Variants in SYNJ2 observed in about 807,000 individuals in gnomAD.
SYNJ2 encodes synaptojanin 2.
In SYNJ2, 116 loss-of-function variants were observed where a neutral mutation model predicts 141.3. That is an observed-to-expected ratio of 0.82 (90% CI 0.71 to 0.96). The LOEUF (loss-of-function observed/expected upper bound fraction) is 0.96. Ranked by LOEUF, SYNJ2 falls within the 40% of genes least tolerant of loss-of-function variation. The pLI is 0.00. For synonymous variants in SYNJ2, 745 were observed against 777.7 expected, an observed-to-expected ratio of 0.96 and a Z score of 0.70; for missense variants, 1,873 against 1,934.8, an observed-to-expected ratio of 0.97 and a Z score of 0.60.
chr6:158,045,404 C>T (rs561392306), intron 5 of SYNJ2, among the ~76,000 whole-genome samples: 8 of 152,318 alleles, frequency 5.3e-5, no homozygotes, highest in African/African-American at 1.9e-4. Flanking sequence ...GCCACCGCAC[C>T]TAGCCAGGCC....
rs375066216 is a variant in SYNJ2 at position 158,006,207 on chromosome 6, G to A, written c.128-10997G>A. ...CACGCACACATGCACATATGCACAC[G>A]CACACACATGCGCACACACGTATGC... On this transcript the variant is annotated intron_variant, in intron 1 of 26. Coordinates refer to ENST00000355585, the MANE Select transcript of SYNJ2 (RefSeq NM_003898.4). 8.6e-5 allele frequency among the ~76,000 whole-genome samples: 13 copies of A among 151,246 alleles called. No homozygotes were observed. The East Asian group carries it at 9.7e-4, about 11-fold the overall frequency.
chr6:158,048,169 C>G (rs1780360069), intron 5 of SYNJ2, among the ~76,000 whole-genome samples: 1 of 152,138 alleles, frequency 6.6e-6, no homozygotes, highest in African/African-American at 2.4e-5. Context: ...GGGGGCAGGA[C>G]AGGGCAGTGT....
chr6:158,031,308 C>A (rs1181005599), intron 3 of SYNJ2, among the ~76,000 whole-genome samples: 1 of 152,206 alleles, frequency 6.6e-6, no homozygotes, highest in African/African-American at 2.4e-5. Flanking sequence ...CTGAATTGCA[C>A]CAGCACCTTT....
rs1200292098 is a variant in SYNJ2 at position 158,091,240 on chromosome 6, C to T, written c.3565+1293C>T. Among the ~76,000 whole-genome samples, 5 of 151,604 alleles carry T rather than the reference C, an allele frequency of 3.3e-5. No homozygotes were observed. In the East Asian group the frequency reaches 5.9e-4, roughly 18 times the overall value. The stretch of plus-strand genomic sequence containing the variant: ...GCTGAGGCAGGAGAATGGCTGAGCC[C>T]GGGAGGTGGAGCTCGCAGTGAGCCA... On this transcript the variant is annotated intron_variant, in intron 25 of 26. Coordinates refer to ENST00000355585, the MANE Select transcript of SYNJ2 (RefSeq NM_003898.4).
intron 1 of SYNJ2, among the ~76,000 whole-genome samples, chr6:158,016,469 A>G (rs1003018211): frequency 6.6e-6 from 1 of 152,136 alleles, no homozygotes; most frequent in Non-Finnish European, 1.5e-5. Context: ...TTCATGTAGC[A>G]TAATGTTTTC....
intron 1 of SYNJ2, among the ~76,000 whole-genome samples, chr6:157,983,822 TAA>T (rs1032058365): frequency 6.6e-6 from 1 of 151,112 alleles, no homozygotes; most frequent in African/African-American, 2.5e-5. Flanking sequence ...TAGAAAACTT[TAA>T]AAAAAAATTT....
chr6:157,981,799 G>A, upstream of SYNJ2: 6 of 557,258 alleles, frequency 1.1e-5, no homozygotes. This position sits in a 1 kb window ranked among gnomAD's most constrained non-coding sequence, Gnocchi z 6.4. Context: ...GCGCGAGTGG[G>A]GAGGAGGAGG....
rs142934174 is a variant in SYNJ2, at chr6:158,084,084, G to A, written c.3118G>A (p.Asp1040Asn). The A allele has an allele frequency of 8.2e-5, 132 of 1,614,012 alleles. No homozygotes were observed. The highest frequency in any genetic ancestry group is 1.2e-4 in the Admixed American group (7 of 59,994). ...GVSDSELGGD[D>N]LSDVPGPTAL... is the part of the protein sequence containing the mutation. Reference sequence around the variant, plus strand: ...CTCGGACAGTGAACTCGGGGGAGACGACCTCTCTGATGTCCCCGGCCCCAC... The same window carrying A: ...CTCGGACAGTGAACTCGGGGGAGACAACCTCTCTGATGTCCCCGGCCCCAC... The change falls in exon 22 of 27, where the codon GAC (aspartate) becomes AAC (asparagine). Residue 1040 changes from aspartate (D) to asparagine (N), a missense_variant. By Grantham distance (23) the Asp-to-Asn change is conservative. Coordinates refer to ENST00000355585, the MANE Select transcript of SYNJ2 (RefSeq NM_003898.4). This position sits in a 1 kb window ranked among gnomAD's most constrained non-coding sequence, Gnocchi z 5.0.
At chr6:158,073,573 TTAAA>T (rs1027020418) in intron 15 of SYNJ2, among the ~76,000 whole-genome samples, 5 of 152,204 alleles carry the variant, frequency 3.3e-5, no homozygotes, top group African/African-American at 9.7e-5. Flanking sequence ...TTAATTAAAA[TTAAA>T]TAACATTTAA....
Position 158,043,276 on chromosome 6 carries a change from T to C in SYNJ2, c.712-40T>C, listed in dbSNP as rs1236693465. The C allele has an allele frequency of 3.2e-6, 5 of 1,586,066 alleles. 1 individual carries two copies. Among genetic ancestry groups the C allele is most frequent in the Non-Finnish European group, 4.3e-6 (5 of 1,155,250 alleles). On this transcript the variant is annotated intron_variant, in intron 4 of 26. Transcript: ENST00000355585. The surrounding 1 kb of genome is among the most constrained non-coding windows in gnomAD (Gnocchi z 4.0). ...ACCCAGCCCAGGACGTTCGGTTTCATTGAAGAATACCTTTCCCTTTCTGTT... is the reference window on the plus strand; with the variant it reads ...ACCCAGCCCAGGACGTTCGGTTTCACTGAAGAATACCTTTCCCTTTCTGTT...
intron 7 of SYNJ2, among the ~76,000 whole-genome samples, chr6:158,061,785 G>A (rs1380658811): frequency 1.3e-5 from 2 of 152,158 alleles, no homozygotes; most frequent in East Asian, 1.9e-4. Flanking sequence ...CAGGCAAGAC[G>A]CTCTTTGTGG....
In SYNJ2 at chr6:158,084,127, G is replaced by A. The variant is rs1295191982; in HGVS notation, c.3161G>A (p.Ser1054Asn). The part of the protein sequence containing the change: ...VPGPTALAPP[S>N]KSPALTKKKQ... ...GGCCCCACAGCACTGGCTCCTCCCA[G>A]CAAGTCACCTGCTCTCACCAAAAAG... Residue 1054 changes from serine (S) to asparagine (N), a missense_variant, in exon 22 of 27, where the codon AGC (serine) becomes AAC (asparagine). Physicochemically the swap from Ser to Asn is conservative, Grantham distance 46 (BLOSUM62 1). Transcript: ENST00000355585. This position sits in a 1 kb window ranked among gnomAD's most constrained non-coding sequence, Gnocchi z 5.0. 15 of 1,613,948 alleles carry A rather than the reference G, an allele frequency of 9.3e-6. No individual in the cohort carries two copies. Among genetic ancestry groups the A allele is most frequent in the Non-Finnish European group, 1.3e-5 (15 of 1,179,982 alleles).
intron 4 of SYNJ2, among the ~76,000 whole-genome samples, chr6:158,041,250 A>G (rs1779932998): frequency 6.6e-6 from 1 of 152,114 alleles, no homozygotes; most frequent in Admixed American, 6.6e-5. Flanking sequence ...CTAATACCAG[A>G]GCCCACTTTC....
intron 2 of SYNJ2, among the ~76,000 whole-genome samples, chr6:158,024,130 A>G (rs1778915061): frequency 6.6e-6 from 1 of 152,164 alleles, no homozygotes; most frequent in Non-Finnish European, 1.5e-5. Context: ...TTTGTATCAA[A>G]TGATTATTTG....
chr6:158,049,792 G>A (rs1187009791), intron 5 of SYNJ2, among the ~76,000 whole-genome samples: 2 of 151,256 alleles, frequency 1.3e-5, no homozygotes, highest in Non-Finnish European at 1.5e-5. Context: ...AGGTATGCAC[G>A]TGGCTCTGCA....
intron 4 of SYNJ2, 88 bp downstream of exon 4, chr6:158,033,768 C>T (rs1779498824): frequency 7.4e-7 from 1 of 1,353,516 alleles, no homozygotes; most frequent in African/African-American, 1.4e-5. Context: ...GCAGAAGAGG[C>T]CCTGGCATAT....
chr6:158,094,571 T>C (rs1783686812), intron 26 of SYNJ2, among the ~76,000 whole-genome samples: 1 of 152,234 alleles, frequency 6.6e-6, no homozygotes, highest in African/African-American at 2.4e-5. Context: ...ACCACCTGCT[T>C]TGTCTTTTCT....
intron 25 of SYNJ2, among the ~76,000 whole-genome samples, chr6:158,092,243 G>GT (rs1240043899): frequency 6.6e-6 from 1 of 152,140 alleles, no homozygotes; most frequent in Admixed American, 6.5e-5. Flanking sequence ...CCTGAGAAAT[G>GT]TAAGTACACA....
chr6:158,017,253 C>T lies in SYNJ2; in HGVS notation c.177C>T (p.Asp59=), dbSNP rs754567918. ...AAGGACAGTATGGCAAGCTCACGGA[C>T]GCGTACGGCTGCCTGGGGGAGCTGA... ...VIKGQYGKLT[D]AYGCLGELRL... The change falls in exon 2 of 27, where the codon GAC becomes GAT. Residue 59 remains aspartate, a synonymous_variant. Coordinates refer to ENST00000355585, the MANE Select transcript of SYNJ2 (RefSeq NM_003898.4). 24 of 1,613,174 alleles carry T rather than the reference C, an allele frequency of 1.5e-5. No homozygotes were observed. In the Admixed American group the frequency reaches 1.5e-4, roughly 10 times the overall value.
Sources: allele counts gnomAD v4.1 joint callset (sites outside exome capture counted in the v4.1 genomes callset), GRCh38; gene constraint gnomAD v4.1.1; non-coding constraint Gnocchi (gnomAD v3.1); transcripts MANE v1.5; gene names NCBI Gene and HGNC (gene_info 2026-07-23, HGNC 2026-07-21).